Variants in TECTB observed in about 807,000 individuals in gnomAD.
TECTB encodes tectorin beta.
TECTB carries 45 observed loss-of-function variants against 43.3 expected under a neutral mutation model. That is an observed-to-expected ratio of 1.04 (90% CI 0.82 to 1.33). The LOEUF (loss-of-function observed/expected upper bound fraction) is 1.33. Ranked by LOEUF, TECTB falls within the 40% of genes most tolerant of loss-of-function variation. The pLI is 0.00. For missense variants in TECTB, 399 were observed against 404.7 expected, an observed-to-expected ratio of 0.99 and a Z score of 0.12; for synonymous variants, 169 against 156.7, an observed-to-expected ratio of 1.08 and a Z score of -0.59.
intron 5 of TECTB, among the ~76,000 whole-genome samples, chr10:112,291,828 G>A (rs1480535934): frequency 1.3e-5 from 2 of 152,100 alleles, no homozygotes; most frequent in Non-Finnish European, 2.9e-5. Flanking sequence ...CCATGGTAAT[G>A]CTTTTGTCTC....
chr10:112,291,180 T>A (rs1039846088), intron 5 of TECTB, among the ~76,000 whole-genome samples: 18 of 149,172 alleles, frequency 1.2e-4, no homozygotes, highest in Admixed American at 8.7e-4. Flanking sequence ...CAGGCCCCAG[T>A]GTGTGTTGTT....
chr10:112,294,559 T>C (rs1057370342), intron 7 of TECTB, among the ~76,000 whole-genome samples: 2 of 152,188 alleles, frequency 1.3e-5, no homozygotes, highest in Non-Finnish European at 2.9e-5. Context: ...TTAAATAAGA[T>C]CATTGTTTTT....
chr10:112,286,215 T>A lies in TECTB; in HGVS notation c.410+2T>A. ...GAACCAGGCTGCCTTTGACCAGAGG[T>A]AAGTTGCTGTGCGGCATGGAGGGCT... On this transcript the variant is annotated splice_donor_variant, in intron 4 of 10. Coordinates refer to ENST00000646139, the MANE Select transcript of TECTB (RefSeq NM_058222.3). LOFTEE classifies it high-confidence loss of function. 1.2e-6 allele frequency: 2 copies of A among 1,614,102 alleles called. No homozygotes were observed. Among genetic ancestry groups the A allele is most frequent in the Non-Finnish European group, 1.7e-6 (2 of 1,179,988 alleles).
chr10:112,290,571 G>T (rs900153739), intron 5 of TECTB, among the ~76,000 whole-genome samples: 6 of 152,166 alleles, frequency 3.9e-5, no homozygotes, highest in African/African-American at 1.2e-4. Context: ...CATTCTGCTG[G>T]CTGGTCCCTG....
At position 112,284,666 on chromosome 10, in the gene TECTB, C is replaced by T. The variant is rs1221819795; in HGVS notation, c.208C>T (p.Gln70Ter). Residue 70 changes from glutamine (Q) to a stop codon, truncating the protein, a stop_gained, in exon 3 of 11, where the codon CAA (glutamine) becomes TAA (stop). Transcript: ENST00000646139. LOFTEE classifies it high-confidence loss of function. Reference protein sequence around the residue: ...YNGVHEGGYYQFVIPDLSPKN... With the variant: ...YNGVHEGGYY Reference sequence around the variant, plus strand: ...TGGGGTCCACGAAGGAGGTTACTACCAATTTGTGATCCCAGATTTATCACC... The same window carrying T: ...TGGGGTCCACGAAGGAGGTTACTACTAATTTGTGATCCCAGATTTATCACC... 1 of 1,612,976 alleles carries T rather than the reference C, an allele frequency of 6.2e-7. No individual in the cohort carries two copies. Among genetic ancestry groups the T allele is most frequent in the Admixed American group, 1.7e-5 (1 of 59,890 alleles).
chr10:112,296,553 C>T (rs1287848634), intron 7 of TECTB, among the ~76,000 whole-genome samples: 1 of 152,198 alleles, frequency 6.6e-6, no homozygotes, highest in African/African-American at 2.4e-5. Context: ...ACGAGGATCT[C>T]GTGTTTATTG....
intron 9 of TECTB, among the ~76,000 whole-genome samples, chr10:112,299,906 T>G (rs921374263): frequency 6.6e-6 from 1 of 152,072 alleles, no homozygotes; most frequent in Non-Finnish European, 1.5e-5. Context: ...CTCACGCCTG[T>G]AATCCCAGCA....
intron 7 of TECTB, among the ~76,000 whole-genome samples, 196 bp from the exon 8 acceptor site, chr10:112,297,873 G>T (rs553253903): frequency 3.9e-5 from 6 of 152,300 alleles, no homozygotes. Context: ...ATAGAATGAG[G>T]ACAGTAATAC....
intron 8 of TECTB, 146 bp from the exon 9 acceptor site, chr10:112,299,346 G>GT: frequency 1.5e-6 from 1 of 672,786 alleles, no homozygotes; most frequent in Non-Finnish European, 2.5e-6. Flanking sequence ...TTTTAAAAAG[G>GT]TAACTCATCT....
intron 9 of TECTB, among the ~76,000 whole-genome samples, chr10:112,301,641 A>G (rs2133359636): frequency 6.6e-6 from 1 of 152,286 alleles, no homozygotes; most frequent in South Asian, 2.1e-4. Flanking sequence ...GCGTTGTGAG[A>G]TGAAACTTTG....
Position 112,284,576 on chromosome 10 carries a change from A to C in TECTB, c.118A>C (p.Lys40Gln), listed in dbSNP as rs777938855. The C allele has an allele frequency of 1.2e-6, 2 of 1,611,770 alleles. No homozygotes were observed. Among genetic ancestry groups the C allele is most frequent in the Non-Finnish European group, 1.7e-6 (2 of 1,178,832 alleles). Residue 40 changes from lysine (K) to glutamine (Q), a missense_variant, in exon 3 of 11, where the codon AAA becomes CAA. Physicochemically the swap from Lys to Gln is moderately conservative, Grantham distance 53. Transcript: ENST00000646139. ...TTGCTATCCCAAAACCATCATCACC[A>C]AAATCCCCGAGTGTCCCTATGGATG... Reference protein sequence around the residue: ...VFCYPKTIITKIPECPYGWEV... With the variant: ...VFCYPKTIITQIPECPYGWEV...
intron 5 of TECTB, among the ~76,000 whole-genome samples, chr10:112,290,439 G>T (rs1415553695): frequency 1.3e-5 from 2 of 152,176 alleles, no homozygotes; most frequent in African/African-American, 4.8e-5. Flanking sequence ...TGAGAATATA[G>T]AGAACTCAAT....
chr10:112,288,548 CCG>C (rs1456339684), intron 5 of TECTB, among the ~76,000 whole-genome samples: 1 of 152,082 alleles, frequency 6.6e-6, no homozygotes. Context: ...ATTAATATTC[CCG>C]CCATGGGCTC....
chr10:112,300,626 G>A (rs572683762), intron 9 of TECTB, among the ~76,000 whole-genome samples: 7 of 152,314 alleles, frequency 4.6e-5, no homozygotes, highest in South Asian at 2.1e-4. Flanking sequence ...TCCAAAATCC[G>A]AATGCTCCCA....
chr10:112,287,083 G>T (rs898188082), intron 5 of TECTB, among the ~76,000 whole-genome samples: 1 of 152,206 alleles, frequency 6.6e-6, no homozygotes, highest in African/African-American at 2.4e-5. Context: ...CCCCTCCAGA[G>T]ATTTATATTT....
intron 9 of TECTB, among the ~76,000 whole-genome samples, chr10:112,301,048 G>C (rs10787437): frequency 0.59 from 90,474 of 152,164 alleles, 27,234 homozygotes; most frequent in East Asian, 0.67. Flanking sequence ...TTGTGGCCTG[G>C]GAATTAAGAA....
At chr10:112,287,315 TA>T (rs1305206595) in intron 5 of TECTB, among the ~76,000 whole-genome samples, 3 of 152,222 alleles carry the variant, frequency 2.0e-5, no homozygotes, top group Non-Finnish European at 4.4e-5. Flanking sequence ...CCAGAGAAAC[TA>T]AATATGCAAT....
chr10:112,289,631 C>T (rs1174277219), intron 5 of TECTB, among the ~76,000 whole-genome samples: 1 of 152,198 alleles, frequency 6.6e-6, no homozygotes, highest in African/African-American at 2.4e-5. Context: ...AATATGTCCA[C>T]CTTCTCCAAG....
At chr10:112,290,980 T>C (rs1848494587) in intron 5 of TECTB, among the ~76,000 whole-genome samples, 1 of 152,180 alleles carries the variant, frequency 6.6e-6, no homozygotes, top group African/African-American at 2.4e-5. Flanking sequence ...TAAAGTCCAC[T>C]TTATTTTATC....
Sources: gnomAD v4.1 joint callset for allele counts (sites outside exome capture counted in the v4.1 genomes callset) on GRCh38, gnomAD v4.1.1 for gene constraint, MANE v1.5 for transcripts, NCBI Gene and HGNC (gene_info 2026-07-23, HGNC 2026-07-21) for gene names.